Variants in ADAMTS17 observed in about 807,000 individuals in gnomAD.
The protein encoded by ADAMTS17 is A disintegrin and metalloproteinase with thrombospondin motifs 17.
Under a neutral mutation model 141.5 loss-of-function variants are expected in ADAMTS17, and 113 were observed. The ratio of observed to expected loss-of-function variants is 0.80; its 90% confidence interval spans 0.69 to 0.93. ADAMTS17 has a LOEUF of 0.93. Ranked by LOEUF, ADAMTS17 falls within the 40% of genes least tolerant of loss-of-function variation. The pLI, the probability that ADAMTS17 is intolerant of heterozygous loss-of-function variation, is 0.00. For synonymous variants in ADAMTS17, 768 were observed against 630.6 expected, an observed-to-expected ratio of 1.22 and a Z score of -3.27; for missense variants, 1,659 against 1,517.9, an observed-to-expected ratio of 1.09 and a Z score of -1.54.
intron 10 of ADAMTS17, among the ~76,000 whole-genome samples, chr15:100,145,671 T>C (rs1275306295): frequency 6.6e-6 from 1 of 152,208 alleles, no homozygotes; most frequent in East Asian, 1.9e-4. Context: ...ATATGTTTAT[T>C]AATAGAATGG....
At chr15:100,280,122 T>C (rs1453566499) in intron 4 of ADAMTS17, among the ~76,000 whole-genome samples, 1 of 152,166 alleles carries the variant, frequency 6.6e-6, no homozygotes, top group Non-Finnish European at 1.5e-5. Context: ...CAGGTCCCTC[T>C]TTCCCACCAA....
chr15:100,242,795 T>C (rs75132985), intron 7 of ADAMTS17, among the ~76,000 whole-genome samples: 2 of 152,352 alleles, frequency 1.3e-5, no homozygotes, highest in Non-Finnish European at 1.5e-5. Flanking sequence ...CCCTCTGTCA[T>C]CTTACTTCTT....
chr15:100,325,476 G>A (rs906214454), intron 3 of ADAMTS17, among the ~76,000 whole-genome samples: 4 of 152,166 alleles, frequency 2.6e-5, no homozygotes, highest in Admixed American at 6.5e-5. Context: ...CGGCCAATAC[G>A]GTTTGGATGT....
chr15:99,990,363 C>T (rs1375431394), intron 20 of ADAMTS17, among the ~76,000 whole-genome samples: 1 of 152,148 alleles, frequency 6.6e-6, no homozygotes, highest in Non-Finnish European at 1.5e-5. Flanking sequence ...TGTGGGAGCT[C>T]TGAAGTTAAG....
intron 4 of ADAMTS17, among the ~76,000 whole-genome samples, chr15:100,271,139 G>A (rs7166523): frequency 5.9e-5 from 9 of 152,032 alleles, no homozygotes; most frequent in Admixed American, 2.0e-4. Context: ...ATTTACCTAC[G>A]CATCCATCTG....
At chr15:100,199,255 G>A (rs923452207) in intron 8 of ADAMTS17, 63 bp downstream of exon 8, 1 of 1,437,518 alleles carries the variant, frequency 7.0e-7, no homozygotes, top group African/African-American at 1.4e-5. Flanking sequence ...CAGAATTCAA[G>A]TGAAAAATCT....
chr15:100,155,391 A>G lies in ADAMTS17; in HGVS notation c.1182-71T>C. 7 of 1,569,908 alleles carry G rather than the reference A, an allele frequency of 4.5e-6. No individual in the cohort carries two copies. In the South Asian group the frequency reaches 8.1e-5, roughly 18 times the overall value. ...CATTTCCAGTTCCTGGTGCTAGCGG[A>G]CCATGCTAAGGTAAATCAAGTCTTA... On this transcript the variant is annotated intron_variant, in intron 8 of 21. Transcript: ENST00000268070.
intron 18 of ADAMTS17, among the ~76,000 whole-genome samples, chr15:100,015,067 G>A (rs935865986): frequency 2.0e-5 from 3 of 152,122 alleles, no homozygotes; most frequent in Non-Finnish European, 4.4e-5. Context: ...TATATGTTTA[G>A]GATTGTGATA....
intron 4 of ADAMTS17, among the ~76,000 whole-genome samples, chr15:100,277,106 C>T (rs557513860): frequency 9.9e-5 from 15 of 152,186 alleles, no homozygotes; most frequent in African/African-American, 1.4e-4. Flanking sequence ...CAAGTATAGA[C>T]GACAGAAGGG....
intron 19 of ADAMTS17, among the ~76,000 whole-genome samples, chr15:99,996,033 C>A (rs1441462085): frequency 1.3e-5 from 2 of 151,342 alleles, no homozygotes; most frequent in African/African-American, 4.9e-5. Flanking sequence ...TTGTTTTCCC[C>A]CATAAAAAGA....
intron 8 of ADAMTS17, among the ~76,000 whole-genome samples, chr15:100,174,376 T>C (rs1177132137): frequency 1.3e-5 from 2 of 150,908 alleles, no homozygotes; most frequent in African/African-American, 5.0e-5. Context: ...GTTCAGGAAC[T>C]GTAATCACAC....
chr15:100,278,652 C>A (rs2044182194), intron 4 of ADAMTS17, among the ~76,000 whole-genome samples: 1 of 152,168 alleles, frequency 6.6e-6, no homozygotes. Flanking sequence ...AGGGAGTTTC[C>A]TGCAGAGAGA....
intron 8 of ADAMTS17, among the ~76,000 whole-genome samples, chr15:100,187,453 G>A (rs12438808): frequency 6.6e-6 from 1 of 152,196 alleles, no homozygotes; most frequent in South Asian, 2.1e-4. Flanking sequence ...ATGCCAGGCA[G>A]GTACCAGGCT....
intron 6 of ADAMTS17, among the ~76,000 whole-genome samples, chr15:100,259,941 T>C (rs970890384): frequency 3.3e-5 from 5 of 152,160 alleles, no homozygotes; most frequent in African/African-American, 1.2e-4. Flanking sequence ...GCCTCCCCGG[T>C]TCAAGCAATT....
At chr15:100,287,613 G>C (rs143014035) in intron 3 of ADAMTS17, among the ~76,000 whole-genome samples, 2 of 152,218 alleles carry the variant, frequency 1.3e-5, no homozygotes, top group Non-Finnish European at 2.9e-5. Context: ...ATAAAATAAA[G>C]AATATTAAAG....
intron 4 of ADAMTS17, among the ~76,000 whole-genome samples, chr15:100,271,793 A>G (rs898910964): frequency 6.6e-6 from 1 of 152,200 alleles, no homozygotes; most frequent in African/African-American, 2.4e-5. Flanking sequence ...GTTGTATCCA[A>G]GAAATCACTG....
At chr15:100,079,618 G>T (rs2034600373) in intron 15 of ADAMTS17, among the ~76,000 whole-genome samples, 1 of 152,170 alleles carries the variant, frequency 6.6e-6, no homozygotes, top group African/African-American at 2.4e-5. Flanking sequence ...CATTCCTTGG[G>T]GTGATCAGCC....
rs913385494 is a variant in ADAMTS17, at chr15:100,032,224, C to A, written c.2591+16633G>T. Among the ~76,000 whole-genome samples the A allele has an allele frequency of 2.0e-5, 3 of 152,232 alleles. No homozygotes were observed. In the East Asian group the frequency reaches 5.8e-4, roughly 29 times the overall value. ...GGGTCTGACTGAGAGTCCCTCCCAG[C>A]CCCTCCAAGCTCAAGGTCAGCTAGG... On this transcript the variant is annotated intron_variant, in intron 18 of 21. Transcript: ENST00000268070.
At chr15:100,012,310 G>T (rs1357219366) in intron 18 of ADAMTS17, among the ~76,000 whole-genome samples, 1 of 152,106 alleles carries the variant, frequency 6.6e-6, no homozygotes, top group Non-Finnish European at 1.5e-5. Context: ...TGTATACATC[G>T]TGAAGATTTT....
Sources: gnomAD v4.1 joint callset for allele counts (sites outside exome capture counted in the v4.1 genomes callset) on GRCh38, gnomAD v4.1.1 for gene constraint, MANE v1.5 for transcripts, NCBI Gene and HGNC (gene_info 2026-07-23, HGNC 2026-07-21) for gene names.